Variants in GRIN2B observed in about 807,000 individuals in gnomAD.
GRIN2B encodes the protein glutamate ionotropic receptor NMDA type subunit 2B, also known as glutamate receptor ionotropic, NMDA 2B.
A neutral mutation model predicts 114.5 loss-of-function variants in GRIN2B; 5 were observed. The observed-to-expected ratio is 0.04, with a 90% CI of 0.02 to 0.09. GRIN2B has a LOEUF of 0.09. Ranked by LOEUF, GRIN2B falls within the 10% of genes least tolerant of loss-of-function variation. The pLI is 1.00. For missense variants in GRIN2B, 1,108 were observed against 1,943.5 expected (o/e 0.57, Z 8.08); for synonymous variants, 787 against 745.1 (o/e 1.06, Z -0.92).
At chr12:13,835,774 A>G (rs1865250497) in intron 3 of GRIN2B, among the ~76,000 whole-genome samples, 2 of 79,972 alleles carry the variant, frequency 2.5e-5, no homozygotes, top group Non-Finnish European at 6.1e-5. Flanking sequence ...AGCACATTAA[A>G]AAAAAAAAAA....
chr12:13,657,517 G>A (rs897925486), intron 5 of GRIN2B, among the ~76,000 whole-genome samples: 7 of 152,212 alleles, frequency 4.6e-5, no homozygotes, highest in Non-Finnish European at 8.8e-5. Context: ...GCAGGTGTTT[G>A]GTGTTCCCTG....
chr12:13,647,420 C>T (rs1024338781), intron 5 of GRIN2B, among the ~76,000 whole-genome samples: 2 of 152,106 alleles, frequency 1.3e-5, no homozygotes, highest in African/African-American at 4.8e-5. Flanking sequence ...AAATGCTGTC[C>T]AATCCACCAT....
At chr12:13,648,739 G>GAATAACA (rs1296657790) in intron 5 of GRIN2B, among the ~76,000 whole-genome samples, 2 of 151,878 alleles carry the variant, frequency 1.3e-5, no homozygotes, top group African/African-American at 4.8e-5. Flanking sequence ...GAGGACTTTA[G>GAATAACA]AATAAGTATA....
Position 13,540,939 on chromosome 12 carries a change from G to T in GRIN2B, c.*21844C>A, listed in dbSNP as rs1002422882. 2 of 152,214 alleles carry T rather than the reference G, an allele frequency of 1.3e-5. No homozygotes were observed. Among genetic ancestry groups the T allele is most frequent in the East Asian group, 3.9e-4 (2 of 5,186 alleles). The allele number at this position is 152,214 out of a possible 1,614,324, so 9.4% of individuals were successfully genotyped here. On this transcript the variant is annotated 3_prime_UTR_variant, in exon 14 of 14. Transcript: ENST00000609686. ...CCTCTGCCATGTGACTTTGGGAGGG[G>T]TGCAGCTGTGAATTTGCAACGCAAC...
intron 6 of GRIN2B, 38 bp downstream of exon 6, chr12:13,616,417 C>T (rs200227640): frequency 1.9e-5 from 29 of 1,506,356 alleles, no homozygotes; most frequent in Non-Finnish European, 2.6e-5. Flanking sequence ...AAAGCTGACT[C>T]TCCCATGCCA....
At chr12:13,783,845 G>A (rs1044168206) in intron 3 of GRIN2B, among the ~76,000 whole-genome samples, 5 of 151,714 alleles carry the variant, frequency 3.3e-5, no homozygotes, top group Non-Finnish European at 2.9e-5. Context: ...GGAACTAGAA[G>A]AGGCTGAGCC....
chr12:13,550,484 A>C lies in GRIN2B; in HGVS notation c.*12299T>G, dbSNP rs1274885950. 1 of 152,218 alleles carries C rather than the reference A, an allele frequency of 6.6e-6. No homozygotes were observed. Among genetic ancestry groups the C allele is most frequent in the African/African-American group, 2.4e-5 (1 of 41,454 alleles). The allele number at this position is 152,218 out of a possible 1,614,324, so 9.4% of individuals were successfully genotyped here. ...AAGGTGTGCAAGAGTCTCAGGAGGA[A>C]TTCTGTCATAAAGAATATGTATGTA... On this transcript the variant is annotated 3_prime_UTR_variant, in exon 14 of 14. Transcript: ENST00000609686.
intron 10 of GRIN2B, among the ~76,000 whole-genome samples, chr12:13,607,586 A>T: frequency 6.9e-6 from 1 of 145,912 alleles, no homozygotes; most frequent in Admixed American, 7.2e-5. Flanking sequence ...CCCTGAAGAG[A>T]ATATCTCCTC....
At chr12:13,578,363 C>G (rs1312298530) in intron 10 of GRIN2B, among the ~76,000 whole-genome samples, 1 of 152,190 alleles carries the variant, frequency 6.6e-6, no homozygotes, top group African/African-American at 2.4e-5. Flanking sequence ...CCACCTTGGC[C>G]TTTGGAAACC....
intron 2 of GRIN2B, among the ~76,000 whole-genome samples, chr12:13,939,995 T>C (rs1017614251): frequency 3.3e-5 from 5 of 152,156 alleles, no homozygotes; most frequent in Admixed American, 3.3e-4. Context: ...CAGTGACCTG[T>C]AAACCTGTAA....
chr12:13,712,376 T>G (rs941107401), intron 4 of GRIN2B, among the ~76,000 whole-genome samples: 3 of 151,622 alleles, frequency 2.0e-5, no homozygotes, highest in East Asian at 1.9e-4. Context: ...ACTTAAAGTA[T>G]AATAAAAAAC....
At chr12:13,692,760 CTTTTTTTT>C (rs71067718) in intron 4 of GRIN2B, among the ~76,000 whole-genome samples, 4 of 52,130 alleles carry the variant, frequency 7.7e-5, no homozygotes, top group Admixed American at 2.3e-4. Flanking sequence ...TCTTTCTTTT[CTTTTTTTT>C]TTTTTTTTTT....
intron 10 of GRIN2B, among the ~76,000 whole-genome samples, chr12:13,587,283 T>C (rs1391631099): frequency 6.6e-6 from 1 of 151,756 alleles, no homozygotes; most frequent in East Asian, 1.9e-4. Context: ...CGTAAGCATC[T>C]TCCTCTCTGA....
At chr12:13,791,376 C>T (rs1001387769) in intron 3 of GRIN2B, among the ~76,000 whole-genome samples, 1 of 149,080 alleles carries the variant, frequency 6.7e-6, no homozygotes, top group East Asian at 2.0e-4. Context: ...GGCATGAACC[C>T]GGGAGGCGGA....
rs1012958396 is a variant in GRIN2B, at chr12:13,552,519, T to G, written c.*10264A>C. 10 of 152,052 alleles carry G rather than the reference T, an allele frequency of 6.6e-5. No individual in the cohort carries two copies. Among genetic ancestry groups the G allele is most frequent in the African/African-American group, 2.4e-4 (10 of 41,400 alleles). The allele number at this position is 152,052 out of a possible 1,614,324, so 9.4% of individuals were successfully genotyped here. ...TATGGGTATTTGTAGGCAAAATAAT[T>G]GACATGAACAGTTCATGGCTAAAAT... On this transcript the variant is annotated 3_prime_UTR_variant, in exon 14 of 14. Transcript: ENST00000609686.
intron 5 of GRIN2B, among the ~76,000 whole-genome samples, chr12:13,639,287 C>G (rs1452636940): frequency 6.6e-6 from 1 of 152,092 alleles, no homozygotes; most frequent in East Asian, 1.9e-4. Context: ...GACCCTAGTG[C>G]CAGATAGCGC....
intron 2 of GRIN2B, among the ~76,000 whole-genome samples, chr12:13,938,686 T>C (rs1473208472): frequency 6.6e-6 from 1 of 152,158 alleles, no homozygotes; most frequent in African/African-American, 2.4e-5. Flanking sequence ...AGCTAATTTG[T>C]GGGGATACAG....
chr12:13,642,167 G>A (rs1406197785), intron 5 of GRIN2B, among the ~76,000 whole-genome samples: 1 of 150,856 alleles, frequency 6.6e-6, no homozygotes, highest in African/African-American at 2.5e-5. Context: ...CAGCCTGGGA[G>A]ACAAGAGTGA....
At chr12:13,869,992 C>T (rs895223632) in intron 2 of GRIN2B, among the ~76,000 whole-genome samples, 17 of 152,144 alleles carry the variant, frequency 1.1e-4, no homozygotes, top group South Asian at 2.1e-4. Context: ...AAGGATATTA[C>T]GTTTAAGCTT....
Sources: gnomAD v4.1 joint callset for allele counts (sites outside exome capture counted in the v4.1 genomes callset) on GRCh38, gnomAD v4.1.1 for gene constraint, MANE v1.5 for transcripts, NCBI Gene and HGNC (gene_info 2026-07-23, HGNC 2026-07-21) for gene names.